Variants in ROBO2 observed in about 807,000 individuals in gnomAD.
ROBO2 encodes the protein roundabout guidance receptor 2, also known as roundabout homolog 2.
Under a neutral mutation model 160.8 loss-of-function variants are expected in ROBO2, and 53 were observed. The observed-to-expected ratio is 0.33, with a 90% confidence interval of 0.26 to 0.41. The LOEUF is 0.41. Among genes scored for constraint, ROBO2 ranks in the 10% least tolerant of loss-of-function variants. The pLI is 1.00. For synonymous variants in ROBO2, 664 were observed against 611.7 expected (o/e 1.09, Z -1.26); for missense variants, 1,577 against 1,722.4 (o/e 0.92, Z 1.49).
At chr3:76,772,973 G>A (rs1015553490) in intron 2 of ROBO2, among the ~76,000 whole-genome samples, 3 of 150,960 alleles carry the variant, frequency 2.0e-5, no homozygotes, top group Admixed American at 6.6e-5. Flanking sequence ...AAAGTACTAT[G>A]GTGACAGTCT....
At chr3:77,162,108 A>C (rs576359524) in intron 2 of ROBO2, among the ~76,000 whole-genome samples, 2 of 152,240 alleles carry the variant, frequency 1.3e-5, no homozygotes, top group South Asian at 4.1e-4. Context: ...AACATTTGCA[A>C]ACCTTCTTAT....
chr3:77,250,428 T>C (rs758740593), intron 2 of ROBO2, among the ~76,000 whole-genome samples: 2 of 152,278 alleles, frequency 1.3e-5, no homozygotes, highest in Non-Finnish European at 2.9e-5. Flanking sequence ...TCCCCTTTAA[T>C]ATCCAGCCTC....
At chr3:76,669,990 A>G (rs146638346) in intron 2 of ROBO2, among the ~76,000 whole-genome samples, 10 of 152,266 alleles carry the variant, frequency 6.6e-5, no homozygotes, top group African/African-American at 2.2e-4. Flanking sequence ...TCCTGTGATA[A>G]GGCATATACT....
chr3:76,853,833 AT>A (rs1329481306), intron 2 of ROBO2, among the ~76,000 whole-genome samples: 1 of 152,054 alleles, frequency 6.6e-6, no homozygotes, highest in East Asian at 1.9e-4. Flanking sequence ...TTAAAATTTT[AT>A]TTTTTGTGTT....
At chr3:76,851,540 C>T (rs941719649) in intron 2 of ROBO2, among the ~76,000 whole-genome samples, 1 of 150,246 alleles carries the variant, frequency 6.7e-6, no homozygotes, top group East Asian at 2.0e-4. Context: ...TCGAGACCAT[C>T]CTGGCTAACA....
At chr3:77,277,086 A>G (rs138786368) in intron 2 of ROBO2, among the ~76,000 whole-genome samples, 1 of 152,294 alleles carries the variant, frequency 6.6e-6, no homozygotes, top group African/African-American at 2.4e-5. Flanking sequence ...TATTTTAAAA[A>G]GAAAAAGAGA....
intron 23 of ROBO2, chr3:77,632,482 G>T: frequency 6.5e-7 from 1 of 1,530,878 alleles, no homozygotes; most frequent in Non-Finnish European, 8.7e-7. Context: ...AGGTTCAATG[G>T]TAAATGGATG....
Position 77,066,791 on chromosome 3 carries a change from T to C in ROBO2, c.61+25945T>C, listed in dbSNP as rs1460109205. On this transcript the variant is annotated intron_variant, in intron 1 of 25. Transcript: ENST00000461745. ...TTGTTTAGTGTTATGTATTGGGAGA[T>C]TAGATTAAGACATAGTACAGTTACT... Among the ~76,000 whole-genome samples, 3 of 152,234 alleles carry C rather than the reference T, an allele frequency of 2.0e-5. No individual in the cohort carries two copies. In the East Asian group the frequency reaches 5.8e-4, roughly 29 times the overall value.
chr3:77,588,369 A>T (rs2094104497), intron 16 of ROBO2, among the ~76,000 whole-genome samples: 2 of 152,128 alleles, frequency 1.3e-5, no homozygotes, highest in African/African-American at 4.8e-5. Context: ...ATTTGCAAAT[A>T]CCCCATGTTA....
In ROBO2 at chr3:77,106,563, A is replaced by C. The variant is rs150677905; in HGVS notation, c.388+8223A>C. ...AAGGAAGGTTACACTTCTTTTAAGC[A>C]TGAGTCAGTATATATGATAAGGCCT... is the stretch of plus-strand genomic sequence containing the variant. On this transcript the variant is annotated intron_variant, in intron 2 of 25. Coordinates refer to ENST00000461745, the Ensembl canonical transcript of ROBO2. Among the ~76,000 whole-genome samples, 9 of 152,224 alleles carry C rather than the reference A, an allele frequency of 5.9e-5. No individual in the cohort carries two copies. The East Asian group carries it at 1.7e-3, about 29-fold the overall frequency.
At chr3:77,183,450 A>G (rs904291312) in intron 2 of ROBO2, among the ~76,000 whole-genome samples, 2 of 152,042 alleles carry the variant, frequency 1.3e-5, no homozygotes, top group African/African-American at 4.8e-5. Flanking sequence ...GGTGGGCCCT[A>G]GACTAATGCA....
chr3:77,148,205 C>T (rs1020033827), intron 2 of ROBO2, among the ~76,000 whole-genome samples: 1 of 152,236 alleles, frequency 6.6e-6, no homozygotes, highest in Non-Finnish European at 1.5e-5. Flanking sequence ...CCTTCACCCA[C>T]TCCTTAAGCC....
At chr3:76,763,191 T>C (rs1231977609) in intron 2 of ROBO2, among the ~76,000 whole-genome samples, 1 of 144,688 alleles carries the variant, frequency 6.9e-6, no homozygotes, top group African/African-American at 2.6e-5. Context: ...TTTTGTCATA[T>C]ACCTGTTGAT....
intron 2 of ROBO2, among the ~76,000 whole-genome samples, chr3:76,105,459 G>T (rs2069882259): frequency 1.3e-5 from 2 of 152,046 alleles, no homozygotes; most frequent in Admixed American, 6.5e-5. Flanking sequence ...GCATATCCAT[G>T]CTTTTACTAC....
intron 1 of ROBO2, among the ~76,000 whole-genome samples, chr3:75,931,919 T>G (rs1162926433): frequency 1.3e-5 from 2 of 152,140 alleles, no homozygotes; most frequent in African/African-American, 4.8e-5. Flanking sequence ...AGATAACATC[T>G]GATACATATT....
At chr3:76,101,317 C>T (rs1278876455) in intron 2 of ROBO2, among the ~76,000 whole-genome samples, 1 of 152,096 alleles carries the variant, frequency 6.6e-6, no homozygotes, top group Non-Finnish European at 1.5e-5. Context: ...CAACACTATA[C>T]AGACAGCAGT....
At chr3:76,424,525 G>A (rs2076130198) in intron 2 of ROBO2, among the ~76,000 whole-genome samples, 1 of 152,130 alleles carries the variant, frequency 6.6e-6, no homozygotes, top group South Asian at 2.1e-4. Context: ...AATGGGAAGT[G>A]TTGGTCAAAG....
intron 2 of ROBO2, among the ~76,000 whole-genome samples, chr3:76,869,340 A>ATT (rs1178461363): frequency 4.6e-5 from 5 of 108,142 alleles, no homozygotes; most frequent in African/African-American, 1.1e-4. Context: ...GTAGAAATTG[A>ATT]TGTTTTTTTT....
chr3:76,657,821 G>GTA (rs1202130747), intron 2 of ROBO2, among the ~76,000 whole-genome samples: 1 of 147,404 alleles, frequency 6.8e-6, no homozygotes, highest in East Asian at 2.0e-4. Flanking sequence ...TATATAGTGT[G>GTA]TATATATATG....
Sources: gnomAD v4.1 joint callset for allele counts (sites outside exome capture counted in the v4.1 genomes callset) on GRCh38, gnomAD v4.1.1 for gene constraint, MANE v1.5 for transcripts, NCBI Gene and HGNC (gene_info 2026-07-23, HGNC 2026-07-21) for gene names.